The following GALNT17 variants were observed in gnomAD, a reference collection of about 807,000 sequenced individuals.
GALNT17 encodes UDP-GalNAc:polypeptide N-acetylgalactosaminyltransferase-like 3.
A neutral mutation model predicts 63.7 loss-of-function variants in GALNT17; 29 were observed. The ratio of observed to expected loss-of-function variants is 0.46; its 90% confidence interval spans 0.34 to 0.62. GALNT17 has a LOEUF of 0.62. Ranked by LOEUF, GALNT17 falls within the 20% of genes least tolerant of loss-of-function variation. The pLI, the probability that GALNT17 is intolerant of heterozygous loss-of-function variation, is 0.01. For missense variants in GALNT17, 603 were observed against 799.6 expected (o/e 0.75, Z 2.97); for synonymous variants, 305 against 318.3 (o/e 0.96, Z 0.45).
intron 9 of GALNT17, among the ~76,000 whole-genome samples, chr7:71,701,882 T>C (rs1791651171): frequency 1.1e-5 from 1 of 88,320 alleles, no homozygotes. Context: ...TATATATATG[T>C]ATATATATAT....
intron 1 of GALNT17, among the ~76,000 whole-genome samples, chr7:71,296,824 A>G (rs1048543965): frequency 7.9e-5 from 12 of 152,136 alleles, no homozygotes; most frequent in Non-Finnish European, 1.6e-4. Context: ...GATGGTAGAA[A>G]TACACACACC....
At chr7:71,378,795 G>T (rs976403833) in intron 2 of GALNT17, among the ~76,000 whole-genome samples, 1 of 151,528 alleles carries the variant, frequency 6.6e-6, no homozygotes, top group Non-Finnish European at 1.5e-5. Flanking sequence ...ACCAGCCTGG[G>T]CAACACACTG....
chr7:71,245,848 G>GTTTTTTT (rs542136452), intron 1 of GALNT17, among the ~76,000 whole-genome samples: 12 of 122,894 alleles, frequency 9.8e-5, no homozygotes, highest in Admixed American at 5.0e-4. Flanking sequence ...AAGAGAGCAG[G>GTTTTTTT]TTTTTTTTTT....
chr7:71,670,899 T>TGTGC lies in GALNT17; in HGVS notation c.1404+794_1404+797dup, dbSNP rs140341475. ...TCCGGACTGTGTGTGTGTGTGTGTG[T>TGTGC]GTGCGTGTGTGTGTGTGCATGTGTG... is the stretch of plus-strand genomic sequence containing the variant. On this transcript the variant is annotated intron_variant, in intron 8 of 10. Transcript: ENST00000333538. Among the ~76,000 whole-genome samples the TGTGC allele has an allele frequency of 6.8e-3, 704 of 103,240 alleles. 7 individuals are homozygous for TGTGC. The highest frequency in any genetic ancestry group is 0.017 in the African/African-American group (665 of 39,424). 67.7% of individuals were successfully genotyped at this position (103,240 alleles called of 152,430 possible).
At chr7:71,304,028 T>C (rs1791246158) in intron 1 of GALNT17, among the ~76,000 whole-genome samples, 1 of 152,190 alleles carries the variant, frequency 6.6e-6, no homozygotes, top group African/African-American at 2.4e-5. Context: ...AAATACTAAA[T>C]AAGCTTGTCC....
At chr7:71,555,100 T>G (rs1789140712) in intron 5 of GALNT17, among the ~76,000 whole-genome samples, 1 of 152,000 alleles carries the variant, frequency 6.6e-6, no homozygotes, top group Admixed American at 6.6e-5. Context: ...AGAGTCTTCG[T>G]TAACAACCAG....
chr7:71,622,589 G>T (rs930262752), intron 6 of GALNT17, among the ~76,000 whole-genome samples: 5 of 152,066 alleles, frequency 3.3e-5, no homozygotes, highest in African/African-American at 1.2e-4. Context: ...TTCTCTTTAT[G>T]TCACTTTAGG....
At chr7:71,693,309 C>CACATATATATATATATAT (rs1554325721) in intron 9 of GALNT17, among the ~76,000 whole-genome samples, 2 of 124,166 alleles carry the variant, frequency 1.6e-5, no homozygotes, top group Non-Finnish European at 3.3e-5. Flanking sequence ...CACACACACA[C>CACATATATATATATATAT]ATATATATAT....
chr7:71,406,758 C>T (rs1793336123), intron 3 of GALNT17, among the ~76,000 whole-genome samples: 1 of 146,406 alleles, frequency 6.8e-6, no homozygotes, highest in African/African-American at 2.5e-5. Flanking sequence ...TTTGAGATCG[C>T]ATCTTACTCT....
intron 1 of GALNT17, among the ~76,000 whole-genome samples, chr7:71,164,482 C>G (rs57436561): frequency 0.021 from 3,208 of 152,310 alleles, 105 homozygotes; most frequent in African/African-American, 0.07. Context: ...TCGTGGGGAT[C>G]ACAATTTGAG....
chr7:71,416,722 T>C (rs554045625), intron 4 of GALNT17, among the ~76,000 whole-genome samples: 1 of 152,352 alleles, frequency 6.6e-6, no homozygotes, highest in African/African-American at 2.4e-5. Flanking sequence ...CCTTCTTTGC[T>C]GCTCTGTTTG....
At chr7:71,144,258 C>G (rs1042565536) in intron 1 of GALNT17, among the ~76,000 whole-genome samples, 1 of 152,078 alleles carries the variant, frequency 6.6e-6, no homozygotes, top group Non-Finnish European at 1.5e-5. Flanking sequence ...CTCGAGTATC[C>G]TTACCTCCTC....
Position 71,397,941 on chromosome 7 carries a change from TTTGTTGTTGTTGTTG to T in GALNT17, c.589+9564_589+9578del, listed in dbSNP as rs111851668. Among the ~76,000 whole-genome samples, 22 of 150,808 alleles carry T rather than the reference TTTGTTGTTGTTGTTG, an allele frequency of 1.5e-4. 1 individual carries two copies. The South Asian group carries it at 1.5e-3, about 10-fold the overall frequency. On this transcript the variant is annotated intron_variant, in intron 3 of 10. Transcript: ENST00000333538. ...TTGATGGTTTTGCTCCATTATTGTC[TTTGTTGTTGTTGTTG>T]TTGTTGTTGTTGTTGTTGTTGTTTT...
At chr7:71,147,349 G>C (rs1585837764) in intron 1 of GALNT17, among the ~76,000 whole-genome samples, 1 of 152,234 alleles carries the variant, frequency 6.6e-6, no homozygotes, top group Non-Finnish European at 1.5e-5. Flanking sequence ...GAAGCATCCA[G>C]CACGGGAGAA....
At chr7:71,295,014 G>C (rs1465083443) in intron 1 of GALNT17, among the ~76,000 whole-genome samples, 1 of 152,108 alleles carries the variant, frequency 6.6e-6, no homozygotes, top group East Asian at 1.9e-4. Context: ...TCTCTTTAGT[G>C]ATGCTTTGAG....
At chr7:71,202,994 A>G (rs571140229) in intron 1 of GALNT17, among the ~76,000 whole-genome samples, 1 of 151,382 alleles carries the variant, frequency 6.6e-6, no homozygotes, top group Non-Finnish European at 1.5e-5. Context: ...ACACACGTGC[A>G]CACACACACA....
chr7:71,597,897 T>C (rs1043467699), intron 6 of GALNT17, among the ~76,000 whole-genome samples: 5 of 152,156 alleles, frequency 3.3e-5, no homozygotes, highest in African/African-American at 1.2e-4. Flanking sequence ...TGGCATTCAC[T>C]TTTTCTCATG....
chr7:71,158,258 G>T (rs554150155), intron 1 of GALNT17, among the ~76,000 whole-genome samples: 12 of 151,688 alleles, frequency 7.9e-5, no homozygotes, highest in Non-Finnish European at 1.6e-4. Flanking sequence ...GGGTGCTGCT[G>T]TGTTCTGTGG....
At chr7:71,628,806 C>T (rs1047113439) in intron 6 of GALNT17, among the ~76,000 whole-genome samples, 3 of 152,054 alleles carry the variant, frequency 2.0e-5, no homozygotes, top group Non-Finnish European at 4.4e-5. Flanking sequence ...GTGGCAAACG[C>T]CTGTAATCCC....
Sources: gnomAD v4.1 joint callset for allele counts (sites outside exome capture counted in the v4.1 genomes callset) on GRCh38, gnomAD v4.1.1 for gene constraint, MANE v1.5 for transcripts, NCBI Gene and HGNC (gene_info 2026-07-23, HGNC 2026-07-21) for gene names.